The following PHACTR1 variants were observed in gnomAD, a reference collection of about 807,000 sequenced individuals.
PHACTR1 encodes the protein RPEL repeat containing 1.
PHACTR1 carries 16 observed loss-of-function variants against 69.2 expected under a neutral mutation model. The observed-to-expected ratio is 0.23, with a 90% CI of 0.16 to 0.35. The LOEUF is 0.35. Among genes scored for constraint, PHACTR1 ranks in the 10% least tolerant of loss-of-function variants. PHACTR1 has a pLI of 1.00. For synonymous variants in PHACTR1, 312 were observed against 284.5 expected, an observed-to-expected ratio of 1.10 and a Z score of -0.97; for missense variants, 510 against 734.7, an observed-to-expected ratio of 0.69 and a Z score of 3.54.
chr6:12,870,301 T>C (rs1026958478), intron 4 of PHACTR1, among the ~76,000 whole-genome samples: 17 of 152,202 alleles, frequency 1.1e-4, no homozygotes, highest in African/African-American at 4.1e-4. Context: ...GGCAAAGAAA[T>C]ACATATCTTG....
intron 4 of PHACTR1, among the ~76,000 whole-genome samples, chr6:12,937,025 G>A (rs1789532752): frequency 6.6e-6 from 1 of 152,048 alleles, no homozygotes; most frequent in Non-Finnish European, 1.5e-5. Flanking sequence ...TATCATTTAA[G>A]GAACAGTTTC....
At chr6:12,796,355 A>G (rs969697036) in intron 4 of PHACTR1, among the ~76,000 whole-genome samples, 3 of 152,206 alleles carry the variant, frequency 2.0e-5, no homozygotes, top group Non-Finnish European at 4.4e-5. Context: ...TGTCTGCTAT[A>G]TTGCTATGTA....
intron 4 of PHACTR1, among the ~76,000 whole-genome samples, chr6:12,783,772 C>A (rs967712027): frequency 6.6e-6 from 1 of 152,132 alleles, no homozygotes; most frequent in Non-Finnish European, 1.5e-5. Flanking sequence ...ACATAGCACT[C>A]AAATTTAGGT....
chr6:13,218,024 A>G (rs980308363), intron 8 of PHACTR1, among the ~76,000 whole-genome samples: 1 of 152,218 alleles, frequency 6.6e-6, no homozygotes, highest in Non-Finnish European at 1.5e-5. Flanking sequence ...TTTCAGTGTC[A>G]TATTTGTAGA....
intron 11 of PHACTR1, among the ~76,000 whole-genome samples, chr6:13,277,684 G>A (rs1280181315): frequency 2.0e-5 from 3 of 152,090 alleles, no homozygotes; most frequent in East Asian, 1.9e-4. Context: ...GCGGTGGCTT[G>A]CACCTGTAAT....
chr6:13,187,300 C>T (rs555900230), intron 7 of PHACTR1, among the ~76,000 whole-genome samples: 7 of 152,306 alleles, frequency 4.6e-5, no homozygotes, highest in African/African-American at 1.7e-4. Context: ...AGCAGTAACA[C>T]TTGCAATTCA....
At chr6:12,751,301 C>T (rs1326763111) in intron 4 of PHACTR1, among the ~76,000 whole-genome samples, 2 of 152,186 alleles carry the variant, frequency 1.3e-5, no homozygotes, top group African/African-American at 2.4e-5. Context: ...AAAGCTTTGG[C>T]ATTTTCTATG....
At chr6:13,103,482 T>G (rs1815522608) in intron 5 of PHACTR1, among the ~76,000 whole-genome samples, 1 of 152,238 alleles carries the variant, frequency 6.6e-6, no homozygotes, top group Admixed American at 6.5e-5. Flanking sequence ...ATGTTAAAAT[T>G]TTCAGGACTA....
Position 12,749,750 on chromosome 6 carries a change from G to T in PHACTR1, c.210G>T (p.Pro70=). 6.2e-7 allele frequency: 1 copy of T among 1,611,426 alleles called. No individual in the cohort carries two copies. The highest frequency in any genetic ancestry group is 8.5e-7 in the Non-Finnish European group (1 of 1,179,456). Residue 70 remains proline, a synonymous_variant, in exon 4 of 15, where the codon CCG becomes CCT. Coordinates refer to ENST00000332995, the MANE Select transcript of PHACTR1 (RefSeq NM_030948.6). ...IRRVRSKSDT[P]YLAEARISFN... The stretch of plus-strand genomic sequence containing the variant: ...GAGTGCGCTCCAAGAGCGACACGCC[G>T]TACCTCGCAGAGGCCAGGATCTCCT...
intron 4 of PHACTR1, among the ~76,000 whole-genome samples, chr6:12,750,715 A>G (rs1056915123): frequency 3.3e-5 from 5 of 152,084 alleles, no homozygotes; most frequent in African/African-American, 1.2e-4. Flanking sequence ...TCGACTCTAG[A>G]GTGCCTTACT....
intron 4 of PHACTR1, 70 bp downstream of exon 4, chr6:12,749,860 G>C: frequency 7.6e-7 from 1 of 1,313,110 alleles, no homozygotes. Context: ...TTGAGCCCCC[G>C]CCCCTCCCGG....
At chr6:13,151,753 G>A (rs1824343779) in intron 5 of PHACTR1, among the ~76,000 whole-genome samples, 1 of 152,156 alleles carries the variant, frequency 6.6e-6, no homozygotes, top group African/African-American at 2.4e-5. Flanking sequence ...ATTTGTATAT[G>A]GTCTGGGAAG....
chr6:13,218,832 AAG>A (rs1491544808), intron 8 of PHACTR1, among the ~76,000 whole-genome samples: 3 of 150,126 alleles, frequency 2.0e-5, no homozygotes, highest in South Asian at 2.1e-4. Flanking sequence ...GGAGGAGAAA[AAG>A]AGGAGGAGGA....
intron 4 of PHACTR1, among the ~76,000 whole-genome samples, chr6:12,831,516 C>T (rs1252834900): frequency 6.6e-6 from 1 of 151,908 alleles, no homozygotes; most frequent in Non-Finnish European, 1.5e-5. Context: ...GAAAGACCTA[C>T]AGCCTGGGTC....
At chr6:12,906,795 A>G (rs1178665248) in intron 4 of PHACTR1, among the ~76,000 whole-genome samples, 1 of 152,018 alleles carries the variant, frequency 6.6e-6, no homozygotes, top group Non-Finnish European at 1.5e-5. Flanking sequence ...CCCCAAAAGA[A>G]CTCCAATTGG....
intron 5 of PHACTR1, among the ~76,000 whole-genome samples, chr6:13,119,806 G>A (rs1323328696): frequency 6.6e-6 from 1 of 152,206 alleles, no homozygotes; most frequent in Non-Finnish European, 1.5e-5. Context: ...TCCATGAGAA[G>A]CCGACGGGTG....
intron 5 of PHACTR1, among the ~76,000 whole-genome samples, chr6:13,133,924 G>A (rs552638324): frequency 2.0e-5 from 3 of 151,312 alleles, no homozygotes; most frequent in African/African-American, 7.3e-5. Flanking sequence ...CGTCTGAGAT[G>A]TGGGGAGCGC....
intron 4 of PHACTR1, among the ~76,000 whole-genome samples, chr6:13,009,944 A>G (rs536481929): frequency 6.6e-6 from 1 of 150,742 alleles, no homozygotes; most frequent in South Asian, 2.1e-4. Context: ...CCTCCTGCAT[A>G]TACGCCATCT....
chr6:12,979,022 A>T (rs1381298398), intron 4 of PHACTR1, among the ~76,000 whole-genome samples: 3 of 152,182 alleles, frequency 2.0e-5, no homozygotes, highest in African/African-American at 7.2e-5. Context: ...TTTGTCCTTA[A>T]TATGCTCAAA....
Sources: gnomAD v4.1 joint callset for allele counts (sites outside exome capture counted in the v4.1 genomes callset) on GRCh38, gnomAD v4.1.1 for gene constraint, MANE v1.5 for transcripts, NCBI Gene and HGNC (gene_info 2026-07-23, HGNC 2026-07-21) for gene names.